PNPLA8: variants seen among roughly 807,000 people sequenced by gnomAD.
The protein encoded by PNPLA8 is patatin like domain 8, phospholipase A2, also known as calcium-independent phospholipase A2-gamma.
PNPLA8 carries 39 observed loss-of-function variants against 76.9 expected under a neutral mutation model. The ratio of observed to expected loss-of-function variants is 0.51; its 90% confidence interval spans 0.39 to 0.66. PNPLA8 has a LOEUF of 0.66. PNPLA8 is among the 30% of genes least tolerant of loss of function. The pLI is 0.00. For synonymous variants in PNPLA8, 301 were observed against 307.9 expected (o/e 0.98, Z 0.24); for missense variants, 887 against 918.0 (o/e 0.97, Z 0.44).
At chr7:108,474,166 T>C (rs1220810963) in intron 10 of PNPLA8, among the ~76,000 whole-genome samples, 1 of 152,222 alleles carries the variant, frequency 6.6e-6, no homozygotes, top group African/African-American at 2.4e-5. Flanking sequence ...AATTTGTAAT[T>C]TGAAGTCTAA....
In PNPLA8 at chr7:108,479,191, A is replaced by G. The variant is rs1860210374; in HGVS notation, c.2067T>C (p.Asp689=). 1 of 1,606,512 alleles carries G rather than the reference A, an allele frequency of 6.2e-7. No homozygotes were observed. The highest frequency in any genetic ancestry group is 1.1e-5 in the South Asian group (1 of 90,596). Reference sequence around the variant, plus strand: ...GCAGCAAACAAGACTAACCTTCTGTATCTGTAGCACTGTTGATAACATTAG... The same window carrying G: ...GCAGCAAACAAGACTAACCTTCTGTGTCTGTAGCACTGTTGATAACATTAG... The part of the protein sequence containing the change: ...KLSNVINSAT[D]TEEVHIMLDG... Residue 689 remains aspartate (D), a synonymous_variant, in exon 10 of 11, where the codon GAT becomes GAC. Coordinates refer to ENST00000257694, the MANE Select transcript of PNPLA8 (RefSeq NM_001256007.3).
At chr7:108,508,849 C>A (rs1862658236) in intron 4 of PNPLA8, among the ~76,000 whole-genome samples, 1 of 143,782 alleles carries the variant, frequency 7.0e-6, no homozygotes, top group South Asian at 2.3e-4. Flanking sequence ...TGGAACAGAA[C>A]AGAGCCCTCA....
chr7:108,510,325 C>T, intron 4 of PNPLA8: 1 of 1,586,468 alleles, frequency 6.3e-7, no homozygotes. Flanking sequence ...AGATGAAGCG[C>T]CTGAGAAAGA....
intron 2 of PNPLA8, among the ~76,000 whole-genome samples, chr7:108,520,397 G>A (rs1435412926): frequency 6.6e-6 from 1 of 152,228 alleles, no homozygotes; most frequent in Non-Finnish European, 1.5e-5. Flanking sequence ...CATGGAGATA[G>A]AGAGTAGAAC....
Position 108,510,725 on chromosome 7 carries a change from C to T in PNPLA8, c.1206+3419G>A, listed in dbSNP as rs139968804. On this transcript the variant is annotated intron_variant, in intron 4 of 10. Coordinates refer to ENST00000257694, the MANE Select transcript of PNPLA8 (RefSeq NM_001256007.3). ...TGGTTATGGCAAAATCAATAAGAAG[C>T]GAATTGCTTTGACAGATAACGCTTT... 13,080 of 1,600,540 alleles carry T rather than the reference C, an allele frequency of 8.2e-3. 193 individuals carry two copies. Among genetic ancestry groups the T allele is most frequent in the Middle Eastern group, 0.027 (158 of 5,824 alleles).
rs1015911402 is a variant in PNPLA8 at position 108,507,998 on chromosome 7, T to G, written c.1207-5356A>C. Among the ~76,000 whole-genome samples the G allele has an allele frequency of 6.5e-5, 7 of 107,968 alleles. No individual in the cohort carries two copies. The East Asian group carries it at 1.0e-3, about 16-fold the overall frequency. 70.8% of individuals were successfully genotyped at this position (107,968 alleles called of 152,430 possible). ...AACCCTTCATGCTAAAAACTCTCAATAAATTAGGTATTGATGGGACGTATT... is the reference window on the plus strand; with the variant it reads ...AACCCTTCATGCTAAAAACTCTCAAGAAATTAGGTATTGATGGGACGTATT... On this transcript the variant is annotated intron_variant, in intron 4 of 10. Transcript: ENST00000257694.
chr7:108,487,435 G>A (rs1598886921), intron 9 of PNPLA8, among the ~76,000 whole-genome samples: 5 of 152,126 alleles, frequency 3.3e-5, no homozygotes, highest in Admixed American at 2.6e-4. Context: ...TGCATTTTCA[G>A]GGAGTGTATA....
At chr7:108,518,253 G>A (rs1308986206) in intron 2 of PNPLA8, 1 of 152,108 alleles carries the variant, frequency 6.6e-6, no homozygotes, top group East Asian at 1.9e-4. Context: ...ACAAACATTC[G>A]GACCATAGCA....
At chr7:108,493,688 AATG>A (rs1457468267) in intron 7 of PNPLA8, among the ~76,000 whole-genome samples, 1 of 151,482 alleles carries the variant, frequency 6.6e-6, no homozygotes, top group Non-Finnish European at 1.5e-5. Flanking sequence ...AGTAACATAC[AATG>A]ATAATGGATG....
At chr7:108,506,939 A>C (rs1420014207) in intron 4 of PNPLA8, among the ~76,000 whole-genome samples, 4 of 152,148 alleles carry the variant, frequency 2.6e-5, no homozygotes, top group East Asian at 1.9e-4. Context: ...GTTGTTCTCT[A>C]TATATAATAT....
At chr7:108,491,273 C>T in intron 8 of PNPLA8, 137 bp downstream of exon 8, 1 of 604,842 alleles carries the variant, frequency 1.7e-6, no homozygotes, top group South Asian at 2.2e-5. Flanking sequence ...TGCTATTGCA[C>T]TCCAGCCTGG....
rs950142778 is a variant in PNPLA8, at chr7:108,478,420, T to C, written c.2074+764A>G. Among the ~76,000 whole-genome samples, 5 of 152,208 alleles carry C rather than the reference T, an allele frequency of 3.3e-5. No individual in the cohort carries two copies. The South Asian group carries it at 8.3e-4, about 25-fold the overall frequency. On this transcript the variant is annotated intron_variant, in intron 10 of 10. Transcript: ENST00000257694. ...TTTGGTTTTTTTTTGAGATGGAGTC[T>C]TGCTCTGTAGCCCAGGCTAGAGTAT...
intron 1 of PNPLA8, among the ~76,000 whole-genome samples, chr7:108,522,671 C>A (rs1863831197): frequency 6.6e-6 from 1 of 152,156 alleles, no homozygotes; most frequent in Admixed American, 6.5e-5. Context: ...TAGATTGAGA[C>A]CTGTCTCAGA....
chr7:108,487,944 C>T lies in PNPLA8; in HGVS notation c.1693G>A (p.Val565Ile). The T allele has an allele frequency of 2.5e-6, 4 of 1,597,798 alleles. No homozygotes were observed. The highest frequency in any genetic ancestry group is 3.4e-6 in the Non-Finnish European group (4 of 1,168,362). Reference sequence around the variant, plus strand: ...ATCCCTCTATTTACTATGGTACTTACAGCAGCTACCTAGTGAATGAAAAAG... The same window carrying T: ...ATCCCTCTATTTACTATGGTACTTATAGCAGCTACCTAGTGAATGAAAAAG... ...RNPTCPKVAA[V>I]STIVNRGITP... Residue 565 changes from valine (V) to isoleucine (I), a missense_variant, in exon 9 of 11, where the codon GTA becomes ATA. Coordinates refer to ENST00000257694, the MANE Select transcript of PNPLA8 (RefSeq NM_001256007.3).
rs557119356 is a variant in PNPLA8, at chr7:108,480,873, T to C, written c.1879-1494A>G. Among the ~76,000 whole-genome samples, 4 of 152,258 alleles carry C rather than the reference T, an allele frequency of 2.6e-5. No individual in the cohort carries two copies. The South Asian group carries it at 6.2e-4, about 24-fold the overall frequency. On this transcript the variant is annotated intron_variant, in intron 9 of 10. Coordinates refer to ENST00000257694, the MANE Select transcript of PNPLA8 (RefSeq NM_001256007.3). ...TCCATCACCCCCAAAAACTCTCTCA[T>C]GCTATGTCTTTGTAGGCACCCCTCC...
intron 1 of PNPLA8, among the ~76,000 whole-genome samples, chr7:108,525,256 T>G (rs973059597): frequency 1.3e-5 from 2 of 152,256 alleles, no homozygotes; most frequent in Non-Finnish European, 1.5e-5. Context: ...TAACAGCATT[T>G]TCTTAATACA....
chr7:108,475,986 C>G (rs1859964643), intron 10 of PNPLA8, among the ~76,000 whole-genome samples: 1 of 152,074 alleles, frequency 6.6e-6, no homozygotes, highest in Non-Finnish European at 1.5e-5. Context: ...CCTTTAAGAC[C>G]CATATCAAGT....
At chr7:108,507,665 T>C (rs1283006358) in intron 4 of PNPLA8, among the ~76,000 whole-genome samples, 2 of 151,946 alleles carry the variant, frequency 1.3e-5, no homozygotes, top group Non-Finnish European at 2.9e-5. Flanking sequence ...AAGAAACACA[T>C]TTAACTTAGA....
chr7:108,495,793 A>C lies in PNPLA8; in HGVS notation c.1625+791T>G, dbSNP rs189645369. Among the ~76,000 whole-genome samples the C allele has an allele frequency of 1.7e-3, 257 of 152,208 alleles. 2 individuals carry two copies. The highest frequency in any genetic ancestry group is 5.8e-3 in the African/African-American group (240 of 41,536). On this transcript the variant is annotated intron_variant, in intron 7 of 10. Coordinates refer to ENST00000257694, the MANE Select transcript of PNPLA8 (RefSeq NM_001256007.3). Reference sequence around the variant, plus strand: ...AATGATTAAGAAAGTGTAACATCCCACTCTGGAGTACAGTGTAGTCTTTAA... The same window carrying C: ...AATGATTAAGAAAGTGTAACATCCCCCTCTGGAGTACAGTGTAGTCTTTAA...
Sources: allele counts gnomAD v4.1 joint callset (sites outside exome capture counted in the v4.1 genomes callset), GRCh38; gene constraint gnomAD v4.1.1; transcripts MANE v1.5; gene names NCBI Gene and HGNC (gene_info 2026-07-23, HGNC 2026-07-21).